The following ZC3HC1 variants were observed in gnomAD, a reference collection of about 807,000 sequenced individuals.
ZC3HC1 encodes zinc finger C3HC-type containing 1.
A neutral mutation model predicts 61.9 loss-of-function variants in ZC3HC1; 38 were observed. The observed-to-expected ratio is 0.61, with a 90% CI of 0.47 to 0.81. ZC3HC1 has a LOEUF of 0.81. Ranked by LOEUF, ZC3HC1 falls within the 30% of genes least tolerant of loss-of-function variation. The pLI, the probability that ZC3HC1 is intolerant of heterozygous loss-of-function variation, is 0.00. For missense variants in ZC3HC1, 554 were observed against 622.7 expected (o/e 0.89, Z 1.17); for synonymous variants, 213 against 229.9 (o/e 0.93, Z 0.67).
In ZC3HC1 at chr7:130,039,509, T is replaced by C; in HGVS notation, c.448A>G (p.Thr150Ala). 1 of 1,612,640 alleles carries C rather than the reference T, an allele frequency of 6.2e-7. No individual in the cohort carries two copies. The highest frequency in any genetic ancestry group is 8.5e-7 in the Non-Finnish European group (1 of 1,179,672). The part of the protein sequence containing the change: ...RCAELKKALC[T>A]AHEKFCFWPD... Reference sequence around the variant, plus strand: ...CAGAAACAGAACTTCTCATGGGCAGTACACAAGGCTTTCTTCAGCTCAGCA... The same window carrying C: ...CAGAAACAGAACTTCTCATGGGCAGCACACAAGGCTTTCTTCAGCTCAGCA... Residue 150 changes from threonine (T) to alanine (A), a missense_variant, in exon 4 of 10, where the codon ACT (threonine) becomes GCT (alanine). Transcript: ENST00000358303.
At chr7:130,025,889 A>AC (rs1793883779) in intron 6 of ZC3HC1, among the ~76,000 whole-genome samples, 1 of 151,042 alleles carries the variant, frequency 6.6e-6, no homozygotes, top group South Asian at 2.1e-4. Flanking sequence ...AAAAAAAAAA[A>AC]AAAAAGAGAA....
chr7:130,019,022 G>A (rs1010641678), intron 9 of ZC3HC1, among the ~76,000 whole-genome samples: 23 of 150,570 alleles, frequency 1.5e-4, no homozygotes, highest in African/African-American at 3.2e-4. Flanking sequence ...CTGACTTGCC[G>A]TTAGTACAGC....
chr7:130,021,568 A>G (rs1415139128), intron 9 of ZC3HC1, among the ~76,000 whole-genome samples: 1 of 152,158 alleles, frequency 6.6e-6, no homozygotes, highest in Non-Finnish European at 1.5e-5. Flanking sequence ...AACAGAGTAA[A>G]GTAATGTGCC....
At chr7:130,036,456 G>A (rs1382742716) in intron 4 of ZC3HC1, among the ~76,000 whole-genome samples, 1 of 152,106 alleles carries the variant, frequency 6.6e-6, no homozygotes, top group Non-Finnish European at 1.5e-5. Context: ...CAGCTACTCG[G>A]AAGGCTGAGG....
intron 4 of ZC3HC1, among the ~76,000 whole-genome samples, chr7:130,034,409 C>T (rs557001898): frequency 1.9e-3 from 280 of 144,164 alleles, no homozygotes; most frequent in African/African-American, 6.7e-3. Context: ...GGCGTGAACC[C>T]GGGAGGCAGA....
chr7:130,019,189 C>T (rs1236211033), intron 9 of ZC3HC1, among the ~76,000 whole-genome samples: 2 of 151,914 alleles, frequency 1.3e-5, no homozygotes, highest in Non-Finnish European at 2.9e-5. Flanking sequence ...GCTGGGACTA[C>T]AGGCACCCGC....
rs112953343 is a variant in ZC3HC1 at position 130,025,865 on chromosome 7, C to T, written c.776+293G>A. The stretch of plus-strand genomic sequence containing the variant: ...CAGCCTGGGCAACAGAATGAGACTC[C>T]GTCTCAAAAAAAAAAAAAAAAAAAA... On this transcript the variant is annotated intron_variant, in intron 6 of 9. Transcript: ENST00000358303. Among the ~76,000 whole-genome samples the T allele has an allele frequency of 3.5e-3, 228 of 65,730 alleles. 1 individual carries two copies. The highest frequency in any genetic ancestry group is 0.014 in the African/African-American group (212 of 15,396). 43.1% of individuals were successfully genotyped at this position (65,730 alleles called of 152,430 possible).
chr7:130,043,003 T>C (rs1794737891), intron 2 of ZC3HC1, among the ~76,000 whole-genome samples: 1 of 152,108 alleles, frequency 6.6e-6, no homozygotes, highest in Non-Finnish European at 1.5e-5. Context: ...TAATAATCTA[T>C]GTGGGCCGGG....
Position 130,021,260 on chromosome 7 carries a change from C to T in ZC3HC1, c.1440+1059G>A, listed in dbSNP as rs138524833. 4.7e-4 allele frequency among the ~76,000 whole-genome samples: 71 copies of T among 152,228 alleles called. 1 individual carries two copies. In the East Asian group the frequency reaches 0.013, roughly 27 times the overall value. On this transcript the variant is annotated intron_variant, in intron 9 of 9. Coordinates refer to ENST00000358303, the MANE Select transcript of ZC3HC1 (RefSeq NM_016478.5). ...AGTTCCCTCCAGTGGAATCCTGTAA[C>T]CCTAGAAAACCATGAATCTAGGAGT... is the stretch of plus-strand genomic sequence containing the variant.
chr7:130,027,808 T>C (rs1793986355), intron 5 of ZC3HC1, among the ~76,000 whole-genome samples: 1 of 151,218 alleles, frequency 6.6e-6, no homozygotes, highest in Non-Finnish European at 1.5e-5. Flanking sequence ...CATGAGCCAC[T>C]GTGCCCGGGC....
chr7:130,031,610 A>C (rs1291074106), intron 4 of ZC3HC1, among the ~76,000 whole-genome samples: 1 of 152,202 alleles, frequency 6.6e-6, no homozygotes, highest in East Asian at 1.9e-4. Context: ...CAAGCTGACC[A>C]AAAACCTTAA....
Position 130,023,444 on chromosome 7 carries a change from A to C in ZC3HC1, c.1233+67T>G. ...CGGAAGGGCTCCTGCCTGCTTCTCC[A>C]TGCTGCCTAGGGAGGGCCCAATATG... is the stretch of plus-strand genomic sequence containing the variant. On this transcript the variant is annotated intron_variant, in intron 8 of 9. Coordinates refer to ENST00000358303, the MANE Select transcript of ZC3HC1 (RefSeq NM_016478.5). The surrounding 1 kb of genome is among the most constrained non-coding windows in gnomAD (Gnocchi z 4.2). 6.7e-7 allele frequency: 1 copy of C among 1,496,744 alleles called. No individual in the cohort carries two copies. The highest frequency in any genetic ancestry group is 1.9e-5 in the Admixed American group (1 of 54,002). The allele number at this position is 1,496,744 out of a possible 1,614,324, so 92.7% of individuals were successfully genotyped here. A position where few individuals can be genotyped will look rare whatever the true frequency, so the allele number is the denominator to read the frequency against.
intron 4 of ZC3HC1, among the ~76,000 whole-genome samples, chr7:130,037,315 G>A (rs1237196426): frequency 2.6e-5 from 4 of 152,104 alleles, no homozygotes; most frequent in African/African-American, 9.7e-5. Context: ...GTGGTGGCAC[G>A]CGCCTGTAGT....
intron 4 of ZC3HC1, among the ~76,000 whole-genome samples, chr7:130,034,641 G>T (rs1207084533): frequency 6.6e-6 from 1 of 152,034 alleles, no homozygotes; most frequent in Admixed American, 6.6e-5. Context: ...GATGACAGGG[G>T]TATGCCACCA....
chr7:130,042,069 GA>G (rs1257275831), intron 2 of ZC3HC1, among the ~76,000 whole-genome samples: 13 of 152,198 alleles, frequency 8.5e-5, no homozygotes, highest in African/African-American at 2.4e-4. Flanking sequence ...TTGGGAGGCT[GA>G]AGCGGGAGGA....
chr7:130,051,430 G>A (rs1252574246), upstream of ZC3HC1: 3 of 1,600,726 alleles, frequency 1.9e-6, no homozygotes, highest in Admixed American at 1.8e-5. Flanking sequence ...GTCCTGGGAG[G>A]TTAATATCCG....
intron 1 of ZC3HC1, among the ~76,000 whole-genome samples, chr7:130,050,832 T>C (rs1795046680): frequency 6.6e-6 from 1 of 152,238 alleles, no homozygotes; most frequent in African/African-American, 2.4e-5. Context: ...CTGGTTTCCT[T>C]TATAATCCTA....
At chr7:130,026,028 C>G in intron 6 of ZC3HC1, 130 bp downstream of exon 6, 1 of 1,075,824 alleles carries the variant, frequency 9.3e-7, no homozygotes, top group African/African-American at 1.6e-5. Context: ...CCATCCCCCA[C>G]CCAGTTTTTC....
chr7:130,029,541 T>C (rs1794084243), intron 4 of ZC3HC1, among the ~76,000 whole-genome samples: 1 of 152,188 alleles, frequency 6.6e-6, no homozygotes, highest in Admixed American at 6.6e-5. Flanking sequence ...AATCCATATT[T>C]TTTATATTTT....
Sources: allele counts gnomAD v4.1 joint callset (sites outside exome capture counted in the v4.1 genomes callset), GRCh38; gene constraint gnomAD v4.1.1; non-coding constraint Gnocchi (gnomAD v3.1); transcripts MANE v1.5; gene names NCBI Gene and HGNC (gene_info 2026-07-23, HGNC 2026-07-21).